The following CDH18 variants were observed in gnomAD, a reference collection of about 807,000 sequenced individuals.
The protein encoded by CDH18 is cadherin 18.
Under a neutral mutation model 67.9 loss-of-function variants are expected in CDH18, and 31 were observed. That is an observed-to-expected ratio of 0.46 (90% CI 0.34 to 0.62). The LOEUF is 0.62. CDH18 is among the 20% of genes least tolerant of loss of function. CDH18 has a pLI of 0.01. For synonymous variants in CDH18, 362 were observed against 347.2 expected, an observed-to-expected ratio of 1.04 and a Z score of -0.48; for missense variants, 890 against 975.5, an observed-to-expected ratio of 0.91 and a Z score of 1.17.
At chr5:19,588,595 GAC>G (rs988262136) in intron 7 of CDH18, among the ~76,000 whole-genome samples, 1 of 151,886 alleles carries the variant, frequency 6.6e-6, no homozygotes, top group African/African-American at 2.4e-5. Context: ...CCAATAAAAA[GAC>G]ACAGAGTGGC....
intron 2 of CDH18, among the ~76,000 whole-genome samples, chr5:19,903,541 G>GTGTATATATA (rs374931710): frequency 2.6e-4 from 32 of 124,764 alleles, no homozygotes; most frequent in Admixed American, 6.9e-4. Flanking sequence ...GTGTGTGTGT[G>GTGTATATATA]TATATATATA....
At chr5:20,189,422 T>A (rs966271770) in intron 2 of CDH18, among the ~76,000 whole-genome samples, 1 of 152,126 alleles carries the variant, frequency 6.6e-6, no homozygotes, top group African/African-American at 2.4e-5. Context: ...ATGGAAGACA[T>A]TCAAATGATA....
At chr5:19,692,727 A>G (rs1353489134) in intron 5 of CDH18, among the ~76,000 whole-genome samples, 2 of 151,986 alleles carry the variant, frequency 1.3e-5, no homozygotes, top group Non-Finnish European at 1.5e-5. Flanking sequence ...ATGGAAAAAA[A>G]TTATAGATTT....
In CDH18 at chr5:20,403,843, AC is replaced by A. The variant is rs1580918758; in HGVS notation, c.-579-148339del. Reference sequence around the variant, plus strand: ...CGGCCTGTTCTTCAAAGCTTTAAAAACCAGGCATTTACTTCTCTCTACATGA... The same window carrying A: ...CGGCCTGTTCTTCAAAGCTTTAAAAACAGGCATTTACTTCTCTCTACATGA... On this transcript the variant is annotated intron_variant, in intron 1 of 14. Transcript: ENST00000507958. Among the ~76,000 whole-genome samples, 3 of 152,280 alleles carry A rather than the reference AC, an allele frequency of 2.0e-5. No individual in the cohort carries two copies. The East Asian group carries it at 5.8e-4, about 29-fold the overall frequency.
chr5:19,907,800 T>C (rs1333146118), intron 2 of CDH18, among the ~76,000 whole-genome samples: 1 of 152,058 alleles, frequency 6.6e-6, no homozygotes, highest in Non-Finnish European at 1.5e-5. Context: ...TTAATTTACT[T>C]AGTGAATTTT....
At position 19,503,032 on chromosome 5, in the gene CDH18, G is replaced by T; in HGVS notation, c.1590C>A (p.Arg530=). ...GPRFNFFLDE[R]LPVNPNFTLK... is the part of the protein sequence containing the mutation. ...GAGTGAAGTTTGGATTTACAGGCAGGCGTTCATCAAGAAAGAAGTTAAACC... is the reference window on the plus strand; with the variant it reads ...GAGTGAAGTTTGGATTTACAGGCAGTCGTTCATCAAGAAAGAAGTTAAACC... Residue 530 remains arginine (R), a synonymous_variant, in exon 11 of 13, where the codon CGC becomes CGA. Coordinates refer to ENST00000382275, the MANE Select transcript of CDH18 (RefSeq NM_004934.5). The T allele has an allele frequency of 2.5e-6, 4 of 1,611,880 alleles. No individual in the cohort carries two copies. The highest frequency in any genetic ancestry group is 3.4e-6 in the Non-Finnish European group (4 of 1,178,202).
intron 2 of CDH18, among the ~76,000 whole-genome samples, chr5:20,037,479 C>A (rs545672946): frequency 6.6e-6 from 1 of 152,086 alleles, no homozygotes; most frequent in Admixed American, 6.6e-5. Context: ...TAAGTAAATG[C>A]AAAAGAACAG....
chr5:20,526,901 G>A lies in CDH18; in HGVS notation c.-580+48561C>T, dbSNP rs148640318. 1.2e-3 allele frequency among the ~76,000 whole-genome samples: 175 copies of A among 152,120 alleles called. 3 individuals carry two copies. In the East Asian group the frequency reaches 0.02, roughly 18 times the overall value. The stretch of plus-strand genomic sequence containing the variant: ...TGATTGCAACACCTCTCCAGCAAGG[G>A]CACAGAACTGGGCTGAAGCTGAGAA... On this transcript the variant is annotated intron_variant, in intron 1 of 14. Transcript: ENST00000507958.
intron 2 of CDH18, among the ~76,000 whole-genome samples, chr5:20,255,268 T>C (rs945756639): frequency 6.6e-6 from 1 of 152,172 alleles, no homozygotes. Context: ...AGAGTGATTT[T>C]AAAACACAGA....
At chr5:20,282,653 T>C (rs552357086) in intron 1 of CDH18, among the ~76,000 whole-genome samples, 2 of 152,156 alleles carry the variant, frequency 1.3e-5, no homozygotes, top group Non-Finnish European at 2.9e-5. Flanking sequence ...TCGATGTTCA[T>C]CAGGGATATT....
chr5:20,301,483 C>T (rs1227614717), intron 1 of CDH18, among the ~76,000 whole-genome samples: 2 of 152,118 alleles, frequency 1.3e-5, no homozygotes, highest in African/African-American at 4.8e-5. Context: ...TTCTGAGTGC[C>T]TGATTGGAAA....
intron 1 of CDH18, among the ~76,000 whole-genome samples, chr5:20,461,923 T>C (rs1222603298): frequency 6.6e-6 from 1 of 152,104 alleles, no homozygotes; most frequent in East Asian, 1.9e-4. Flanking sequence ...TTGGTGTGAA[T>C]GTAAATTAGG....
At chr5:19,516,402 T>A (rs889807301) in intron 10 of CDH18, among the ~76,000 whole-genome samples, 4 of 152,224 alleles carry the variant, frequency 2.6e-5, no homozygotes, top group African/African-American at 9.6e-5. Context: ...TTCTATTGAT[T>A]GGAATAGTTT....
intron 1 of CDH18, among the ~76,000 whole-genome samples, chr5:20,431,038 A>G (rs1748693714): frequency 6.6e-6 from 1 of 152,202 alleles, no homozygotes; most frequent in Admixed American, 6.5e-5. Flanking sequence ...GATAATTTCT[A>G]TATATGCTAT....
intron 1 of CDH18, among the ~76,000 whole-genome samples, chr5:20,418,514 T>G (rs944825352): frequency 6.6e-6 from 1 of 152,030 alleles, no homozygotes; most frequent in East Asian, 1.9e-4. Flanking sequence ...GAGTGACATT[T>G]GCTACTAAAT....
chr5:19,739,873 C>A (rs1265101799), intron 4 of CDH18, among the ~76,000 whole-genome samples: 1 of 152,008 alleles, frequency 6.6e-6, no homozygotes, highest in African/African-American at 2.4e-5. Flanking sequence ...ACTAAATCAG[C>A]GCTCCAACAA....
intron 10 of CDH18, among the ~76,000 whole-genome samples, chr5:19,506,982 A>T (rs895035386): frequency 3.9e-5 from 6 of 152,218 alleles, no homozygotes; most frequent in East Asian, 1.9e-4. Flanking sequence ...ACAGAATGGG[A>T]GAAAATTTTT....
In CDH18 at chr5:19,768,303, A is replaced by G. The variant is rs571948210; in HGVS notation, c.229-21067T>C. On this transcript the variant is annotated intron_variant, in intron 3 of 12. Coordinates refer to ENST00000382275, the MANE Select transcript of CDH18 (RefSeq NM_004934.5). ...TAACAAAACAAACAATAGAATAACT[A>G]AAAAAGCTTAAAAGGAAAAGCTAGG... is the stretch of plus-strand genomic sequence containing the variant. Among the ~76,000 whole-genome samples, 449 of 152,334 alleles carry G rather than the reference A, an allele frequency of 2.9e-3. 2 individuals are homozygous for G. Among genetic ancestry groups the G allele is most frequent in the Non-Finnish European group, 5.0e-3 (338 of 68,034 alleles).
At position 19,864,537 on chromosome 5, in the gene CDH18, A is replaced by T. The variant is rs189179758; in HGVS notation, c.-256-25295T>A. 7.8e-3 allele frequency among the ~76,000 whole-genome samples: 918 copies of T among 116,962 alleles called. 14 individuals are homozygous for T. Among genetic ancestry groups the T allele is most frequent in the Non-Finnish European group, 6.8e-3 (343 of 50,702 alleles). The allele number at this position is 116,962 out of a possible 152,430, so 76.7% of individuals were successfully genotyped here. On this transcript the variant is annotated intron_variant, in intron 2 of 12. Coordinates refer to ENST00000382275, the MANE Select transcript of CDH18 (RefSeq NM_004934.5). ...AAAACTTAAAGTATAATAATAATTT[A>T]AAAAAACAACAACACAAACTCAAAG... is the stretch of plus-strand genomic sequence containing the variant.
Sources: gnomAD v4.1 joint callset for allele counts (sites outside exome capture counted in the v4.1 genomes callset) on GRCh38, gnomAD v4.1.1 for gene constraint, MANE v1.5 for transcripts, NCBI Gene and HGNC (gene_info 2026-07-23, HGNC 2026-07-21) for gene names.